Variants in CPEB4 observed in about 807,000 individuals in gnomAD.
The protein encoded by CPEB4 is cytoplasmic polyadenylation element binding protein 4.
In CPEB4, 12 loss-of-function variants were observed where a neutral mutation model predicts 72.5. The observed-to-expected ratio is 0.17, with a 90% confidence interval of 0.11 to 0.27. The LOEUF (loss-of-function observed/expected upper bound fraction) is 0.27, where lower values mean the gene tolerates loss of function less well. Among genes scored for constraint, CPEB4 ranks in the 10% least tolerant of loss-of-function variants. CPEB4 has a pLI of 1.00. For synonymous variants in CPEB4, 302 were observed against 326.3 expected, an observed-to-expected ratio of 0.93 and a Z score of 0.80; for missense variants, 614 against 908.5, an observed-to-expected ratio of 0.68 and a Z score of 4.17.
chr5:173,919,127 C>CA (rs1341157626), intron 2 of CPEB4, among the ~76,000 whole-genome samples: 8 of 151,944 alleles, frequency 5.3e-5, no homozygotes, highest in Non-Finnish European at 8.8e-5. Context: ...GACATACATT[C>CA]AGGGCAGGGA....
chr5:173,888,438 G>T lies in CPEB4; in HGVS notation c.-1296G>T. 1 of 451,116 alleles carries T rather than the reference G, an allele frequency of 2.2e-6. No individual in the cohort carries two copies. The highest frequency in any genetic ancestry group is 5.6e-5 in the South Asian group (1 of 17,862). The allele number at this position is 451,116 out of a possible 1,614,324, so 27.9% of individuals were successfully genotyped here. On this transcript the variant is annotated 5_prime_UTR_variant, in exon 1 of 10. Transcript: ENST00000265085. The surrounding 1 kb of genome is among the most constrained non-coding windows in gnomAD (Gnocchi z 4.3). The stretch of plus-strand genomic sequence containing the variant: ...TGGCGGCGGCGGCGGCGGCAGCAGC[G>T]GCGACAGCAGAGGAGGAAGAGGAGG...
chr5:173,899,763 G>C (rs1396768538), intron 1 of CPEB4, among the ~76,000 whole-genome samples: 1 of 152,106 alleles, frequency 6.6e-6, no homozygotes, highest in Non-Finnish European at 1.5e-5. Flanking sequence ...GTAGAGGTTT[G>C]GGGTCCCTTG....
rs1185713779 is a variant in CPEB4 at position 173,955,614 on chromosome 5, T to C, written c.1963-296T>C. On this transcript the variant is annotated intron_variant, in intron 9 of 9. Transcript: ENST00000265085. The surrounding 1 kb of genome is among the most constrained non-coding windows in gnomAD (Gnocchi z 4.7). ...TGTCTATGAATAATCTCCTGTGGGT[T>C]TAATCTCATAACATTCTAGTCTAAA... is the stretch of plus-strand genomic sequence containing the variant. 6.6e-6 allele frequency among the ~76,000 whole-genome samples: 1 copy of C among 152,240 alleles called. No individual in the cohort carries two copies. The highest frequency in any genetic ancestry group is 1.5e-5 in the Non-Finnish European group (1 of 68,046).
At chr5:173,894,097 G>T (rs1561603294) in intron 1 of CPEB4, among the ~76,000 whole-genome samples, 3 of 152,070 alleles carry the variant, frequency 2.0e-5, no homozygotes, top group Non-Finnish European at 4.4e-5. Context: ...GGGCTCAAGA[G>T]ATCCTCCTGC....
In CPEB4 at chr5:173,961,955, T is replaced by TA. The variant is rs1264849912; in HGVS notation, c.*5821dup. On this transcript the variant is annotated 3_prime_UTR_variant, in exon 10 of 10. Coordinates refer to ENST00000265085, the MANE Select transcript of CPEB4 (RefSeq NM_030627.4). ...TCCACAAGAAAAAGACAAAAAAAAA[T>TA]AAAGTTTTACCATTAAATACACTTA... 1 of 150,432 alleles carries TA rather than the reference T, an allele frequency of 6.6e-6. No individual in the cohort carries two copies. Among genetic ancestry groups the TA allele is most frequent in the Non-Finnish European group, 1.5e-5 (1 of 67,356 alleles). 9.3% of individuals were successfully genotyped at this position (150,432 alleles called of 1,614,324 possible).
intron 3 of CPEB4, among the ~76,000 whole-genome samples, chr5:173,933,521 A>G (rs547343076): frequency 5.3e-5 from 8 of 152,300 alleles, no homozygotes; most frequent in African/African-American, 1.7e-4. Flanking sequence ...TGGTCATCAG[A>G]TGTAGGTCTT....
chr5:173,892,838 T>G (rs1362478676), intron 1 of CPEB4, among the ~76,000 whole-genome samples: 1 of 152,226 alleles, frequency 6.6e-6, no homozygotes, highest in Non-Finnish European at 1.5e-5. Context: ...AGACTAAGAT[T>G]GATACTAAAA....
At chr5:173,937,779 C>T (rs1421102744) in intron 3 of CPEB4, among the ~76,000 whole-genome samples, 1 of 152,144 alleles carries the variant, frequency 6.6e-6, no homozygotes, top group African/African-American at 2.4e-5. Flanking sequence ...GGGTTAGGGA[C>T]ATAAGGAAAC....
Position 173,888,362 on chromosome 5 carries a change from C to T in CPEB4, c.-1372C>T, listed in dbSNP as rs998612109. On this transcript the variant is annotated 5_prime_UTR_variant, in exon 1 of 10. Transcript: ENST00000265085. This position sits in a 1 kb window ranked among gnomAD's most constrained non-coding sequence, Gnocchi z 4.3. ...GGTTGTCATTTCACTCGGCTCGGTC[C>T]TGAGGAGAAGGACTCAGCCGCGGCT... The T allele has an allele frequency of 9.1e-6, 4 of 439,330 alleles. No homozygotes were observed. In the East Asian group the frequency reaches 1.0e-4, roughly 11 times the overall value. The allele number at this position is 439,330 out of a possible 1,614,324, so 27.2% of individuals were successfully genotyped here.
intron 2 of CPEB4, among the ~76,000 whole-genome samples, chr5:173,914,284 A>G (rs1247011681): frequency 6.6e-6 from 1 of 152,238 alleles, no homozygotes; most frequent in Non-Finnish European, 1.5e-5. Context: ...CTTGATTTTA[A>G]CAGTGGTTCA....
chr5:173,930,185 G>A (rs1757394146), intron 2 of CPEB4, among the ~76,000 whole-genome samples: 1 of 152,050 alleles, frequency 6.6e-6, no homozygotes, highest in Non-Finnish European at 1.5e-5. Context: ...CTCCCCAGTA[G>A]CTGGGTTGAT....
At chr5:173,945,598 C>T (rs1757990879) in intron 5 of CPEB4, among the ~76,000 whole-genome samples, 2 of 152,190 alleles carry the variant, frequency 1.3e-5, no homozygotes, top group South Asian at 2.1e-4. Flanking sequence ...GAAGGATAAT[C>T]TTACTTAAGG....
intron 3 of CPEB4, among the ~76,000 whole-genome samples, chr5:173,938,068 G>C (rs1005462000): frequency 2.0e-5 from 3 of 152,038 alleles, no homozygotes; most frequent in East Asian, 3.9e-4. Context: ...CTGCTTTTTG[G>C]TTCTACCATC....
At chr5:173,946,295 A>G (rs1383617768) in intron 5 of CPEB4, among the ~76,000 whole-genome samples, 10 of 152,220 alleles carry the variant, frequency 6.6e-5, no homozygotes, top group African/African-American at 2.2e-4. Context: ...CATAGCTTGA[A>G]GAATATTGTG....
At chr5:173,948,784 A>G (rs1758120888) in intron 5 of CPEB4, among the ~76,000 whole-genome samples, 1 of 152,118 alleles carries the variant, frequency 6.6e-6, no homozygotes, top group Non-Finnish European at 1.5e-5. Context: ...AATAGATAAT[A>G]ATCTTCTTAT....
In CPEB4 at chr5:173,945,160, T is replaced by C. The variant is rs2113277778; in HGVS notation, c.1456+20T>C. 6.3e-7 allele frequency: 1 copy of C among 1,598,256 alleles called. No homozygotes were observed. Among genetic ancestry groups the C allele is most frequent in the South Asian group, 1.1e-5 (1 of 89,834 alleles). On this transcript the variant is annotated intron_variant, in intron 5 of 9. Transcript: ENST00000265085. ...ATGAAGGTATGTTTAGAACTGTTTATAGCACGGTGCCCAGATGGTGGCACA... is the reference window on the plus strand; with the variant it reads ...ATGAAGGTATGTTTAGAACTGTTTACAGCACGGTGCCCAGATGGTGGCACA...
At chr5:173,948,708 C>T (rs1165913234) in intron 5 of CPEB4, among the ~76,000 whole-genome samples, 1 of 152,156 alleles carries the variant, frequency 6.6e-6, no homozygotes, top group Non-Finnish European at 1.5e-5. Flanking sequence ...TCTCACCATT[C>T]TGGAGGCTGG....
At chr5:173,936,403 C>T (rs1757622338) in intron 3 of CPEB4, among the ~76,000 whole-genome samples, 1 of 152,186 alleles carries the variant, frequency 6.6e-6, no homozygotes, top group African/African-American at 2.4e-5. Flanking sequence ...CAAGTGACCT[C>T]ATTTAACCTT....
intron 2 of CPEB4, among the ~76,000 whole-genome samples, chr5:173,918,436 C>T (rs544902461): frequency 6.6e-6 from 1 of 152,296 alleles, no homozygotes; most frequent in Non-Finnish European, 1.5e-5. Flanking sequence ...GGATTTTGAG[C>T]AGTGCGATTA....
Sources: allele counts gnomAD v4.1 joint callset (sites outside exome capture counted in the v4.1 genomes callset), GRCh38; gene constraint gnomAD v4.1.1; non-coding constraint Gnocchi (gnomAD v3.1); transcripts MANE v1.5; gene names NCBI Gene and HGNC (gene_info 2026-07-23, HGNC 2026-07-21).